Variants in PTPRA observed in about 807,000 individuals in gnomAD.
The protein encoded by PTPRA is protein tyrosine phosphatase receptor type A.
PTPRA carries 25 observed loss-of-function variants against 104.8 expected under a neutral mutation model. The ratio of observed to expected loss-of-function variants is 0.24; its 90% CI spans 0.17 to 0.33. The LOEUF (loss-of-function observed/expected upper bound fraction) is 0.33, where lower values mean the gene tolerates loss of function less well. PTPRA is among the 10% of genes least tolerant of loss of function. The probability of loss-of-function intolerance (pLI) is 1.00; values close to 1 mark genes in which losing one functional copy is unlikely to be tolerated. For missense variants in PTPRA, 765 were observed against 1,015.3 expected, an observed-to-expected ratio of 0.75 and a Z score of 3.35; for synonymous variants, 323 against 368.9, an observed-to-expected ratio of 0.88 and a Z score of 1.43.
chr20:3,027,671 A>C (rs1213287520), intron 19 of PTPRA, 36 bp from the exon 20 acceptor site: 1 of 1,607,284 alleles, frequency 6.2e-7, no homozygotes, highest in Non-Finnish European at 8.5e-7. Context: ...CTGTGATTAA[A>C]CCATCTCACC....
At position 2,873,562 on chromosome 20, in the gene PTPRA, C is replaced by G. The variant is rs1227942149; in HGVS notation, c.-327C>G. 6.6e-6 allele frequency: 1 copy of G among 151,656 alleles called. No homozygotes were observed. The allele number at this position is 151,656 out of a possible 1,614,324, so 9.4% of individuals were successfully genotyped here. The stretch of plus-strand genomic sequence containing the variant: ...ATCGCGCTCGGACCCCGGCCGCTGC[C>G]GCCATCACTGTCGCCCGCCCAGTCG... On this transcript the variant is annotated 5_prime_UTR_variant, in exon 1 of 24. Transcript: ENST00000399903. This position sits in a 1 kb window ranked among gnomAD's most constrained non-coding sequence, Gnocchi z 4.4.
chr20:2,968,385 G>T (rs1173564405), intron 5 of PTPRA, among the ~76,000 whole-genome samples: 1 of 151,976 alleles, frequency 6.6e-6, no homozygotes, highest in African/African-American at 2.4e-5. Context: ...GATGTATCTT[G>T]ATGTGGGTCT....
At chr20:2,964,412 C>A in intron 4 of PTPRA, 62 bp downstream of exon 4, 5 of 1,350,680 alleles carry the variant, frequency 3.7e-6, no homozygotes, top group Non-Finnish European at 4.1e-6. Flanking sequence ...ATTTAATGAG[C>A]CACATTTGAA....
chr20:3,027,640 C>A, intron 19 of PTPRA, 67 bp from the exon 20 acceptor site: 1 of 1,560,042 alleles, frequency 6.4e-7, no homozygotes, highest in South Asian at 1.2e-5. Context: ...TTCTAGTGGT[C>A]TGTCTTCTCC....
intron 1 of PTPRA, among the ~76,000 whole-genome samples, chr20:2,880,470 T>G (rs1387186622): frequency 6.6e-6 from 1 of 152,162 alleles, no homozygotes; most frequent in African/African-American, 2.4e-5. Flanking sequence ...ACAGTTTATA[T>G]TAACCAGTTC....
At chr20:2,964,478 A>G in intron 4 of PTPRA, 128 bp downstream of exon 4, 1 of 776,932 alleles carries the variant, frequency 1.3e-6, no homozygotes, top group Non-Finnish European at 2.1e-6. Context: ...AGTGATGGTA[A>G]AATAGGTGTC....
At chr20:2,866,349 G>A in the PTPRA span, 1 of 1,614,116 alleles carries the variant, frequency 6.2e-7, no homozygotes, top group Non-Finnish European at 8.5e-7. Context: ...GTGCTGGGTG[G>A]CTGAGCTGTG....
chr20:2,887,590 A>G (rs2090455444), intron 1 of PTPRA, among the ~76,000 whole-genome samples: 2 of 152,314 alleles, frequency 1.3e-5, no homozygotes, highest in Middle Eastern at 3.4e-3. Flanking sequence ...TGTGTGTGGG[A>G]AGAAGTTGAA....
chr20:2,920,109 C>A (rs893819553), intron 1 of PTPRA, among the ~76,000 whole-genome samples: 1 of 152,096 alleles, frequency 6.6e-6, no homozygotes, highest in Non-Finnish European at 1.5e-5. Flanking sequence ...TTTGCTAACT[C>A]AATGAGTAGG....
intron 13 of PTPRA, among the ~76,000 whole-genome samples, chr20:3,020,252 C>T (rs1161589012): frequency 3.3e-5 from 5 of 152,126 alleles, no homozygotes; most frequent in Admixed American, 6.5e-5. Flanking sequence ...CCCGCCACCA[C>T]GCCCAGCTAA....
intron 10 of PTPRA, among the ~76,000 whole-genome samples, chr20:3,006,659 G>A (rs889289878): frequency 4.6e-5 from 7 of 151,706 alleles, no homozygotes; most frequent in Middle Eastern, 3.4e-3. Context: ...TTTCTTTCTC[G>A]CTCTGTCACC....
the PTPRA span, chr20:2,865,362 C>G: frequency 1.2e-6 from 2 of 1,613,898 alleles, no homozygotes; most frequent in Non-Finnish European, 1.7e-6. This position sits in a 1 kb window ranked among gnomAD's most constrained non-coding sequence, Gnocchi z 5.2. Context: ...GACCACCTGC[C>G]TCTCCTGCAA....
intron 1 of PTPRA, among the ~76,000 whole-genome samples, chr20:2,898,332 G>A (rs1454623491): frequency 6.6e-6 from 1 of 151,418 alleles, no homozygotes; most frequent in Non-Finnish European, 1.5e-5. Context: ...CGCCCACCTC[G>A]GCCTCCCAAA....
intron 9 of PTPRA, among the ~76,000 whole-genome samples, chr20:2,995,237 C>T (rs2063351349): frequency 6.6e-6 from 1 of 152,196 alleles, no homozygotes; most frequent in Non-Finnish European, 1.5e-5. Flanking sequence ...AATGATCCAG[C>T]TCAGTGAATT....
At chr20:3,032,897 A>G (rs1298157920) in intron 20 of PTPRA, among the ~76,000 whole-genome samples, 2 of 148,630 alleles carry the variant, frequency 1.3e-5, no homozygotes, top group African/African-American at 4.9e-5. Flanking sequence ...TCCAAAGGTC[A>G]TTTCTCTTTT....
intron 9 of PTPRA, among the ~76,000 whole-genome samples, chr20:2,989,549 G>A (rs141250942): frequency 6.6e-6 from 1 of 152,308 alleles, no homozygotes; most frequent in East Asian, 1.9e-4. Flanking sequence ...CAGGAGAATT[G>A]TCAGGAGTGA....
At chr20:2,969,019 C>T (rs2062050164) in intron 5 of PTPRA, among the ~76,000 whole-genome samples, 2 of 152,044 alleles carry the variant, frequency 1.3e-5, no homozygotes, top group Admixed American at 1.3e-4. Context: ...ACCAGCCTAG[C>T]CGACATGGCA....
chr20:2,913,874 C>G (rs914012179), intron 1 of PTPRA, among the ~76,000 whole-genome samples: 3 of 152,162 alleles, frequency 2.0e-5, no homozygotes, highest in Admixed American at 6.5e-5. Context: ...CTTTCACCTT[C>G]TAGTTTTAGC....
intron 20 of PTPRA, among the ~76,000 whole-genome samples, chr20:3,028,561 C>G (rs1049504355): frequency 2.0e-5 from 3 of 152,230 alleles, no homozygotes; most frequent in African/African-American, 7.2e-5. Context: ...CCTCACCCCC[C>G]ACATTATGGG....
Sources: allele counts gnomAD v4.1 joint callset (sites outside exome capture counted in the v4.1 genomes callset), GRCh38; gene constraint gnomAD v4.1.1; non-coding constraint Gnocchi (gnomAD v3.1); transcripts MANE v1.5; gene names NCBI Gene and HGNC (gene_info 2026-07-23, HGNC 2026-07-21).